ADGRE1: variants seen among roughly 807,000 people sequenced by gnomAD.
The protein encoded by ADGRE1 is adhesion G protein-coupled receptor E1.
Under a neutral mutation model 102.7 loss-of-function variants are expected in ADGRE1, and 82 were observed. The ratio of observed to expected loss-of-function variants is 0.80; its 90% CI spans 0.67 to 0.96. The LOEUF (loss-of-function observed/expected upper bound fraction) is 0.96, where lower values mean the gene tolerates loss of function less well. Among genes scored for constraint, ADGRE1 ranks in the 40% least tolerant of loss-of-function variants. The pLI is 0.00. For synonymous variants in ADGRE1, 398 were observed against 399.6 expected (o/e 1.00, Z 0.05); for missense variants, 1,032 against 1,085.3 (o/e 0.95, Z 0.69).
chr19:6,890,656 C>T (rs1286393215), intron 2 of ADGRE1, 113 bp downstream of exon 2: 16 of 1,123,500 alleles, frequency 1.4e-5, no homozygotes, highest in Middle Eastern at 2.5e-4. Context: ...AGCTAGTTAG[C>T]GGCAGAGCAA....
chr19:6,888,353 G>T (rs1205668444), intron 1 of ADGRE1, among the ~76,000 whole-genome samples: 1 of 152,240 alleles, frequency 6.6e-6, no homozygotes, highest in Non-Finnish European at 1.5e-5. Flanking sequence ...GCTGAGTCCT[G>T]AAGGATGAGA....
At chr19:6,922,192 C>T (rs1974696266) in intron 14 of ADGRE1, among the ~76,000 whole-genome samples, 1 of 152,062 alleles carries the variant, frequency 6.6e-6, no homozygotes, top group Non-Finnish European at 1.5e-5. Context: ...GGTTTTAGAC[C>T]CATTTCACAG....
Position 6,916,233 on chromosome 19 carries a change from C to A in ADGRE1, c.1301-16C>A. ...TTCTGGGTGACCTCATACGAACTCT[C>A]CCTTTCTCTTTTTAGACATTGAGAG... On this transcript the variant is annotated splice_polypyrimidine_tract_variant and intron_variant, in intron 11 of 20. Transcript: ENST00000312053. The A allele has an allele frequency of 6.2e-7, 1 of 1,608,888 alleles. No individual in the cohort carries two copies. The highest frequency in any genetic ancestry group is 8.5e-7 in the Non-Finnish European group (1 of 1,177,176).
intron 15 of ADGRE1, among the ~76,000 whole-genome samples, chr19:6,926,082 A>T (rs1974892930): frequency 3.3e-5 from 5 of 152,276 alleles, no homozygotes; most frequent in Admixed American, 2.6e-4. Flanking sequence ...TCCCTAAAGT[A>T]GGGTGATCGA....
chr19:6,935,126 C>T, intron 18 of ADGRE1, 48 bp downstream of exon 18: 3 of 1,479,412 alleles, frequency 2.0e-6, no homozygotes, highest in Non-Finnish European at 2.7e-6. Context: ...CCTCTTTCTT[C>T]TTCCCAGAAA....
chr19:6,892,364 T>C lies in ADGRE1; in HGVS notation c.94+1821T>C, dbSNP rs141339901. ...CTTTTTAGTTTTTCCATACTCCTAA[T>C]TGATGTTGGCATTATCGTTGGTTCC... On this transcript the variant is annotated intron_variant, in intron 2 of 20. Coordinates refer to ENST00000312053, the MANE Select transcript of ADGRE1 (RefSeq NM_001974.5). Among the ~76,000 whole-genome samples the C allele has an allele frequency of 1.7e-3, 259 of 152,360 alleles. 1 individual carries two copies. The highest frequency in any genetic ancestry group is 2.4e-3 in the Non-Finnish European group (164 of 68,030).
intron 5 of ADGRE1, chr19:6,898,461 T>C (rs770563686): frequency 4.5e-5 from 71 of 1,592,280 alleles, no homozygotes; most frequent in Middle Eastern, 1.7e-4. Flanking sequence ...TCTCCTGTAC[T>C]GGTGATGCCC....
intron 16 of ADGRE1, 129 bp from the exon 17 acceptor site, chr19:6,928,016 G>A: frequency 8.5e-7 from 1 of 1,175,468 alleles, no homozygotes; most frequent in Non-Finnish European, 1.2e-6. Flanking sequence ...CTGCAACCGG[G>A]ACCATCCTGA....
chr19:6,916,171 AC>A (rs1974372040), intron 11 of ADGRE1, 77 bp from the exon 12 acceptor site: 1 of 1,524,244 alleles, frequency 6.6e-7, no homozygotes, highest in African/African-American at 1.4e-5. Context: ...ATGGAGGTGT[AC>A]CTTTTTTTGG....
intron 16 of ADGRE1, 29 bp downstream of exon 16, chr19:6,926,630 A>C: frequency 1.9e-6 from 3 of 1,609,582 alleles, no homozygotes; most frequent in Non-Finnish European, 2.6e-6. Context: ...CTTCCTGAAG[A>C]CCCTGCTGCC....
chr19:6,936,070 C>T (rs1975389712), intron 18 of ADGRE1, among the ~76,000 whole-genome samples: 1 of 152,140 alleles, frequency 6.6e-6, no homozygotes, highest in Non-Finnish European at 1.5e-5. Flanking sequence ...AACCTAATAA[C>T]ATTCTTTGCT....
rs1973275874 is a variant in ADGRE1, at chr19:6,889,563, C to T, written c.32-918C>T. 2.0e-5 allele frequency among the ~76,000 whole-genome samples: 3 copies of T among 151,154 alleles called. No individual in the cohort carries two copies. The South Asian group carries it at 6.3e-4, about 32-fold the overall frequency. ...AATTAGCTGGGCGTGGTGGTGCGTGCTTGTAATCCCAGCTACTCGGGAGGC... is the reference window on the plus strand; with the variant it reads ...AATTAGCTGGGCGTGGTGGTGCGTGTTTGTAATCCCAGCTACTCGGGAGGC... On this transcript the variant is annotated intron_variant, in intron 1 of 20. Transcript: ENST00000312053.
At chr19:6,936,092 C>T (rs181836986) in intron 18 of ADGRE1, among the ~76,000 whole-genome samples, 14 of 152,140 alleles carry the variant, frequency 9.2e-5, no homozygotes, top group East Asian at 3.9e-4. Flanking sequence ...CTTTTTTCTT[C>T]GGTATCCAAT....
At chr19:6,928,524 G>A (rs1435947534) in intron 17 of ADGRE1, 1 of 420,776 alleles carries the variant, frequency 2.4e-6, no homozygotes. Context: ...CTACTTAGGA[G>A]GCTGAGGCAG....
intron 10 of ADGRE1, among the ~76,000 whole-genome samples, chr19:6,911,218 G>A (rs779607442): frequency 1.3e-5 from 2 of 152,056 alleles, no homozygotes; most frequent in Non-Finnish European, 2.9e-5. Context: ...CAAATGTCCC[G>A]CTTACCCCGT....
intron 17 of ADGRE1, among the ~76,000 whole-genome samples, chr19:6,934,540 C>T (rs1344502397): frequency 6.6e-6 from 1 of 150,936 alleles, no homozygotes; most frequent in Non-Finnish European, 1.5e-5. Context: ...CATGCCTCAG[C>T]CTCCCAAGTA....
At chr19:6,928,070 C>A in intron 16 of ADGRE1, 75 bp from the exon 17 acceptor site, 1 of 1,521,912 alleles carries the variant, frequency 6.6e-7, no homozygotes, top group Non-Finnish European at 8.9e-7. Context: ...TCCACTAGGG[C>A]ATTTGTTGGG....
In ADGRE1 at chr19:6,908,777, CGAT is replaced by C; in HGVS notation, c.1122+6_1122+8del. The C allele has an allele frequency of 6.2e-7, 1 of 1,600,304 alleles. No homozygotes were observed. The highest frequency in any genetic ancestry group is 8.5e-7 in the Non-Finnish European group (1 of 1,176,238). On this transcript the variant is annotated splice_donor_region_variant and intron_variant, in intron 10 of 20. Transcript: ENST00000312053. ...ACGACCGTAGTTTCTCTGAAGGTAA[CGAT>C]TGGGTCTTTTAAATTGTGTTTTGAG... is the stretch of plus-strand genomic sequence containing the variant.
intron 6 of ADGRE1, among the ~76,000 whole-genome samples, chr19:6,903,348 A>G (rs1973836711): frequency 6.6e-6 from 1 of 152,186 alleles, no homozygotes; most frequent in Admixed American, 6.5e-5. Flanking sequence ...CCAGTGTCTG[A>G]GTCCCTCATC....
Sources: allele counts gnomAD v4.1 joint callset (sites outside exome capture counted in the v4.1 genomes callset), GRCh38; gene constraint gnomAD v4.1.1; transcripts MANE v1.5; gene names NCBI Gene and HGNC (gene_info 2026-07-23, HGNC 2026-07-21).